The following NDUFS2 variants were observed in gnomAD, a reference collection of about 807,000 sequenced individuals.
The protein encoded by NDUFS2 is NADH:ubiquinone oxidoreductase core subunit S2, also known as NADH dehydrogenase [ubiquinone] iron-sulfur protein 2, mitochondrial.
A neutral mutation model predicts 69.6 loss-of-function variants in NDUFS2; 38 were observed. That is an observed-to-expected ratio of 0.55 (90% CI 0.42 to 0.72). The LOEUF (loss-of-function observed/expected upper bound fraction) is 0.72, where lower values mean the gene tolerates loss of function less well. Among genes scored for constraint, NDUFS2 ranks in the 30% least tolerant of loss-of-function variants. NDUFS2 has a pLI of 0.00. For synonymous variants in NDUFS2, 194 were observed against 211.2 expected, an observed-to-expected ratio of 0.92 and a Z score of 0.70; for missense variants, 468 against 595.0, an observed-to-expected ratio of 0.79 and a Z score of 2.22.
chr1:161,214,268 T>G lies in NDUFS2; in HGVS notation c.*75T>G. ...GCCTGTTCCTCACTGGAAATTGGCC[T>G]CTGTGTGTGTGTGTGTGTGTGTGTG... On this transcript the variant is annotated 3_prime_UTR_variant, in exon 14 of 14. Coordinates refer to ENST00000676972, the MANE Select transcript of NDUFS2 (RefSeq NM_001377299.1). 1.5e-6 allele frequency: 2 copies of G among 1,349,036 alleles called. No individual in the cohort carries two copies. Among genetic ancestry groups the G allele is most frequent in the Non-Finnish European group, 2.1e-6 (2 of 960,270 alleles). The allele number at this position is 1,349,036 out of a possible 1,614,324, so 83.6% of individuals were successfully genotyped here. A position where few individuals can be genotyped will look rare whatever the true frequency, so the allele number is the denominator to read the frequency against.
At chr1:161,212,574 C>A in intron 10 of NDUFS2, 94 bp downstream of exon 10, 1 of 1,337,042 alleles carries the variant, frequency 7.5e-7, no homozygotes, top group Non-Finnish European at 1.0e-6. Context: ...TTTTGGTTTT[C>A]TTTTTTTTTT....
Position 161,210,204 on chromosome 1 carries a change from A to G in NDUFS2, c.780+16A>G, listed in dbSNP as rs111353446. On this transcript the variant is annotated intron_variant, in intron 7 of 13. Coordinates refer to ENST00000676972, the MANE Select transcript of NDUFS2 (RefSeq NM_001377299.1). ...GTTGGAGGAGGTAAGCTAGGAGTCA[A>G]TGGGAAAAATCTCTCCCCCACAAGA... 36 of 1,613,700 alleles carry G rather than the reference A, an allele frequency of 2.2e-5. No homozygotes were observed. The highest frequency in any genetic ancestry group is 1.3e-4 in the African/African-American group (10 of 75,028).
chr1:161,209,346 G>T lies in NDUFS2; in HGVS notation c.514+33G>T, dbSNP rs1245894886. The T allele has an allele frequency of 1.9e-6, 3 of 1,613,976 alleles. No homozygotes were observed. The African/African-American group carries it at 4.0e-5, about 22-fold the overall frequency. Reference sequence around the variant, plus strand: ...CCCCCAACTTTTTCTGTGGCCCACTGTGAGCATAGCATAGTGCCTTTTCCA... The same window carrying T: ...CCCCCAACTTTTTCTGTGGCCCACTTTGAGCATAGCATAGTGCCTTTTCCA... On this transcript the variant is annotated intron_variant, in intron 4 of 13. Coordinates refer to ENST00000676972, the MANE Select transcript of NDUFS2 (RefSeq NM_001377299.1).
chr1:161,202,367 A>C lies in NDUFS2; in HGVS notation c.-19A>C. On this transcript the variant is annotated 5_prime_UTR_variant, in exon 1 of 14. Coordinates refer to ENST00000676972, the MANE Select transcript of NDUFS2 (RefSeq NM_001377299.1). ...ACTTCCGCCCGGTTCTCCTTCCCGCAGTCTGCAGCCGGAGTAAGATGGCGG... is the reference window on the plus strand; with the variant it reads ...ACTTCCGCCCGGTTCTCCTTCCCGCCGTCTGCAGCCGGAGTAAGATGGCGG... The C allele has an allele frequency of 1.9e-6, 3 of 1,605,716 alleles. No homozygotes were observed. The highest frequency in any genetic ancestry group is 2.2e-5 in the East Asian group (1 of 44,654).
intron 9 of NDUFS2, among the ~76,000 whole-genome samples, chr1:161,211,259 A>G (rs1327039889): frequency 1.3e-5 from 2 of 152,244 alleles, no homozygotes; most frequent in African/African-American, 4.8e-5. Context: ...AAGCTGAGGC[A>G]TAAAAGTTAG....
At chr1:161,203,265 C>T (rs904390204) in intron 1 of NDUFS2, among the ~76,000 whole-genome samples, 172 bp from the exon 2 acceptor site, 8 of 152,128 alleles carry the variant, frequency 5.3e-5, no homozygotes, top group African/African-American at 1.9e-4. Context: ...GAAATCACAC[C>T]ATTGCCCTCC....
chr1:161,210,338 CA>C lies in NDUFS2; in HGVS notation c.817del (p.Ile273LeufsTer6). 6.2e-7 allele frequency: 1 copy of C among 1,613,926 alleles called. No homozygotes were observed. The highest frequency in any genetic ancestry group is 8.5e-7 in the Non-Finnish European group (1 of 1,179,980). On this transcript the variant is annotated frameshift_variant, in exon 8 of 14. Transcript: ENST00000676972. LOFTEE classifies it high-confidence loss of function. ...LTNNRIWRNR[T>X]IDIGVVTAEE... ...AACAATAGGATCTGGCGAAATCGGA[CA>C]ATTGACATTGGGGTTGTAACAGCAG...
At chr1:161,213,199 G>A (rs906630751) in intron 10 of NDUFS2, 181 bp from the exon 11 acceptor site, 13 of 591,972 alleles carry the variant, frequency 2.2e-5, no homozygotes, top group African/African-American at 5.5e-5. Flanking sequence ...CACCGCACCC[G>A]GCCATATAAG....
chr1:161,199,956 C>A (rs2102022970), upstream of NDUFS2, among the ~76,000 whole-genome samples: 1 of 151,670 alleles, frequency 6.6e-6, no homozygotes, highest in South Asian at 2.1e-4. Context: ...TTTGGCCCTG[C>A]TCCTACCCAC....
intron 9 of NDUFS2, among the ~76,000 whole-genome samples, 159 bp from the exon 10 acceptor site, chr1:161,212,192 G>A (rs1665808132): frequency 6.6e-6 from 1 of 151,894 alleles, no homozygotes; most frequent in South Asian, 2.1e-4. Context: ...AAGACTACAG[G>A]GTTTATATGG....
rs746877284 is a variant in NDUFS2 at position 161,210,413 on chromosome 1, C to T, written c.866+24C>T. 3.5e-5 allele frequency: 57 copies of T among 1,608,186 alleles called. No homozygotes were observed. The East Asian group carries it at 1.0e-3, about 28-fold the overall frequency. ...AGGTGAGGGGAATACAACTTCTCTC[C>T]GTAGGAGTGGGGGTGGGAGTGGGGG... is the stretch of plus-strand genomic sequence containing the variant. On this transcript the variant is annotated intron_variant, in intron 8 of 13. Coordinates refer to ENST00000676972, the MANE Select transcript of NDUFS2 (RefSeq NM_001377299.1).
upstream of NDUFS2, chr1:161,197,981 C>T (rs1664926760): frequency 6.5e-7 from 1 of 1,547,410 alleles, no homozygotes; most frequent in Non-Finnish European, 8.7e-7. Flanking sequence ...GACACAGACT[C>T]CAGAGATGCC....
intron 2 of NDUFS2, among the ~76,000 whole-genome samples, chr1:161,204,041 G>A (rs1255684251): frequency 6.6e-6 from 1 of 152,200 alleles, no homozygotes; most frequent in Non-Finnish European, 1.5e-5. Flanking sequence ...AGGAAAGGAA[G>A]GATGTTGCAG....
intron 9 of NDUFS2, among the ~76,000 whole-genome samples, chr1:161,210,915 C>G (rs1414680688): frequency 2.0e-5 from 3 of 152,162 alleles, no homozygotes; most frequent in Non-Finnish European, 4.4e-5. Flanking sequence ...GCTCTTGTTG[C>G]CCAGGTTGGA....
upstream of NDUFS2, chr1:161,202,155 G>A: frequency 1.7e-6 from 1 of 592,048 alleles, no homozygotes; most frequent in Admixed American, 2.7e-5. Flanking sequence ...AGAAAAGCCA[G>A]CCAGGAGCTG....
intron 5 of NDUFS2, 113 bp downstream of exon 5, chr1:161,209,708 GGGAA>G: frequency 8.1e-7 from 1 of 1,234,852 alleles, no homozygotes; most frequent in Non-Finnish European, 1.2e-6. Context: ...CATTTAGAGG[GGGAA>G]GGTATGTTTA....
At chr1:161,214,028 C>G in intron 13 of NDUFS2, 107 bp downstream of exon 13, 1 of 1,613,452 alleles carries the variant, frequency 6.2e-7, no homozygotes, top group African/African-American at 1.3e-5. Flanking sequence ...ATGGCATGGA[C>G]TCGGGTCCTC....
chr1:161,207,055 C>A (rs914164535), intron 3 of NDUFS2, among the ~76,000 whole-genome samples: 3 of 152,112 alleles, frequency 2.0e-5, no homozygotes, highest in African/African-American at 7.2e-5. Context: ...TGACAGTTTG[C>A]CATTTTTAGG....
At chr1:161,197,924 G>T, upstream of NDUFS2, 1 of 1,508,156 alleles carries the variant, frequency 6.6e-7, no homozygotes. Flanking sequence ...GGTGGAGAGA[G>T]GGTGAATAGG....
Sources: allele counts gnomAD v4.1 joint callset (sites outside exome capture counted in the v4.1 genomes callset), GRCh38; gene constraint gnomAD v4.1.1; transcripts MANE v1.5; gene names NCBI Gene and HGNC (gene_info 2026-07-23, HGNC 2026-07-21).